Variants in CNMD observed in about 807,000 individuals in gnomAD.
CNMD encodes the protein chondromodulin.
CNMD carries 30 observed loss-of-function variants against 37.5 expected under a neutral mutation model. That is an observed-to-expected ratio of 0.80 (90% confidence interval 0.60 to 1.09). The LOEUF (loss-of-function observed/expected upper bound fraction) is 1.09. Among genes scored for constraint, CNMD ranks in the 50% least tolerant of loss-of-function variants. CNMD has a pLI of 0.00. For synonymous variants in CNMD, 167 were observed against 148.2 expected (o/e 1.13, Z -0.92); for missense variants, 398 against 423.9 (o/e 0.94, Z 0.54).
chr13:52,713,303 AG>A, intron 4 of CNMD, among the ~76,000 whole-genome samples: 1 of 152,246 alleles, frequency 6.6e-6, no homozygotes, highest in Non-Finnish European at 1.5e-5. Flanking sequence ...CAATGGAAAA[AG>A]CAAGTGATTG....
intron 6 of CNMD, among the ~76,000 whole-genome samples, chr13:52,706,079 G>A (rs1964169283): frequency 6.6e-6 from 1 of 152,180 alleles, no homozygotes; most frequent in African/African-American, 2.4e-5. Flanking sequence ...AATAGTGTTG[G>A]ACTGAATAGG....
chr13:52,723,894 C>A, intron 4 of CNMD, 103 bp downstream of exon 4: 1 of 747,096 alleles, frequency 1.3e-6, no homozygotes. Flanking sequence ...GACTCTGTCT[C>A]AATAAAAATA....
chr13:52,707,903 T>G (rs1289937679), intron 6 of CNMD, among the ~76,000 whole-genome samples: 1 of 150,508 alleles, frequency 6.6e-6, no homozygotes, highest in Non-Finnish European at 1.5e-5. Flanking sequence ...AGGCCAGGAG[T>G]TCGAGAACAG....
chr13:52,728,487 A>G (rs1244675567), intron 3 of CNMD, among the ~76,000 whole-genome samples: 1 of 152,152 alleles, frequency 6.6e-6, no homozygotes, highest in Non-Finnish European at 1.5e-5. Flanking sequence ...CTGCATTTCT[A>G]ACAAGCCAAG....
At chr13:52,728,255 G>A (rs568890978) in intron 3 of CNMD, among the ~76,000 whole-genome samples, 6 of 151,974 alleles carry the variant, frequency 3.9e-5, no homozygotes, top group South Asian at 2.1e-4. Context: ...GCGTGGTGGC[G>A]TGCACCTGTA....
chr13:52,739,527 C>T lies in CNMD; in HGVS notation c.72+103G>A. Reference sequence around the variant, plus strand: ...CATTTGGGACCCAAATTTATCCCCCCGCCAACACACCCATTCGGTGGCACG... The same window carrying T: ...CATTTGGGACCCAAATTTATCCCCCTGCCAACACACCCATTCGGTGGCACG... On this transcript the variant is annotated intron_variant, in intron 1 of 6. Coordinates refer to ENST00000377962, the MANE Select transcript of CNMD (RefSeq NM_007015.3). This position sits in a 1 kb window ranked among gnomAD's most constrained non-coding sequence, Gnocchi z 5.4. 1 of 1,072,226 alleles carries T rather than the reference C, an allele frequency of 9.3e-7. No homozygotes were observed. The highest frequency in any genetic ancestry group is 1.4e-6 in the Non-Finnish European group (1 of 699,954). The allele number at this position is 1,072,226 out of a possible 1,614,324, so 66.4% of individuals were successfully genotyped here. A position where few individuals can be genotyped will look rare whatever the true frequency, so the allele number is the denominator to read the frequency against.
At chr13:52,719,429 C>T (rs762307865) in intron 4 of CNMD, among the ~76,000 whole-genome samples, 39 of 152,192 alleles carry the variant, frequency 2.6e-4, no homozygotes, top group Non-Finnish European at 5.0e-4. Flanking sequence ...TGTTGATGGT[C>T]TTTACAATTT....
intron 4 of CNMD, among the ~76,000 whole-genome samples, chr13:52,717,907 A>G (rs1964416688): frequency 6.6e-6 from 1 of 152,224 alleles, no homozygotes; most frequent in Non-Finnish European, 1.5e-5. Context: ...GAATAGTTAC[A>G]GAAAGAATGG....
intron 5 of CNMD, among the ~76,000 whole-genome samples, chr13:52,711,433 A>C (rs1181120085): frequency 6.6e-6 from 1 of 152,194 alleles, no homozygotes; most frequent in Non-Finnish European, 1.5e-5. Flanking sequence ...CCCATTTGGC[A>C]GCCCCTCTCC....
chr13:52,726,414 C>T (rs1034252429), intron 3 of CNMD, among the ~76,000 whole-genome samples: 1 of 152,032 alleles, frequency 6.6e-6, no homozygotes, highest in Non-Finnish European at 1.5e-5. Flanking sequence ...TCAAAAATCC[C>T]CTGGGTCCCC....
At chr13:52,729,856 T>C (rs1964633701) in intron 3 of CNMD, among the ~76,000 whole-genome samples, 2 of 152,146 alleles carry the variant, frequency 1.3e-5, no homozygotes, top group African/African-American at 2.4e-5. Flanking sequence ...TACTTTAAGT[T>C]TTTGGGTACA....
intron 4 of CNMD, among the ~76,000 whole-genome samples, chr13:52,715,941 T>C (rs543453865): frequency 2.0e-5 from 3 of 152,216 alleles, no homozygotes; most frequent in African/African-American, 7.2e-5. Context: ...TATTCCACAA[T>C]GGTTAAACTG....
chr13:52,724,753 C>T (rs556423834), intron 3 of CNMD, among the ~76,000 whole-genome samples: 12 of 151,936 alleles, frequency 7.9e-5, no homozygotes, highest in African/African-American at 1.7e-4. Context: ...AAAAATTAGC[C>T]GGGTGTGGTA....
intron 4 of CNMD, among the ~76,000 whole-genome samples, chr13:52,714,249 C>T (rs1377783977): frequency 6.6e-6 from 1 of 152,110 alleles, no homozygotes; most frequent in African/African-American, 2.4e-5. Context: ...TTTAAAAAAT[C>T]ACAGAAATGC....
rs780509320 is a variant in CNMD at position 52,708,662 on chromosome 13, A to T, written c.663T>A (p.Val221=). 3.7e-6 allele frequency: 6 copies of T among 1,611,520 alleles called. No individual in the cohort carries two copies. The Admixed American group carries it at 1.0e-4, about 27-fold the overall frequency. The change falls in exon 6 of 7, where the codon GTT becomes GTA. Residue 221 remains valine, a synonymous_variant. Transcript: ENST00000377962. The part of the protein sequence containing the change: ...RERREVVRKI[V]PTTTKRPHSG... ...TGTGTGGTCTTTTTGTGGTAGTTGG[A>T]ACAATTTTTCTTACCACTTCTCTTC... is the stretch of plus-strand genomic sequence containing the variant.
chr13:52,706,139 CT>C (rs986201648), intron 6 of CNMD, among the ~76,000 whole-genome samples: 4 of 152,150 alleles, frequency 2.6e-5, no homozygotes, highest in African/African-American at 9.7e-5. Context: ...GATGCTCACC[CT>C]TACACATAAT....
At chr13:52,728,327 A>C (rs1222542477) in intron 3 of CNMD, among the ~76,000 whole-genome samples, 2 of 151,938 alleles carry the variant, frequency 1.3e-5, no homozygotes, top group Non-Finnish European at 2.9e-5. Flanking sequence ...GCAGTGAGCC[A>C]AGATTGCACC....
Position 52,703,659 on chromosome 13 carries a change from C to T in CNMD, c.941G>A (p.Arg314His), listed in dbSNP as rs1218414873. The T allele has an allele frequency of 1.5e-5, 25 of 1,614,020 alleles. No homozygotes were observed. Among genetic ancestry groups the T allele is most frequent in the African/African-American group, 4.0e-5 (3 of 74,940 alleles). ...TGGCATGATGACTCTGCAGGCCGAA[C>T]GGCAGCCTTGATAATTATAAGGCCA... ...YPWPYNYQGC[R>H]SACRVIMPCS... is the part of the protein sequence containing the mutation. Residue 314 changes from arginine to histidine, a missense_variant, in exon 7 of 7, where the codon CGT becomes CAT. Arg to His is a conservative substitution (Grantham distance 29). Transcript: ENST00000377962.
At chr13:52,735,688 A>G (rs2138279978) in intron 2 of CNMD, among the ~76,000 whole-genome samples, 1 of 152,266 alleles carries the variant, frequency 6.6e-6, no homozygotes, top group African/African-American at 2.4e-5. Context: ...AATCTAAAAA[A>G]AAAAAAAAAT....
Sources: allele counts gnomAD v4.1 joint callset (sites outside exome capture counted in the v4.1 genomes callset), GRCh38; gene constraint gnomAD v4.1.1; non-coding constraint Gnocchi (gnomAD v3.1); transcripts MANE v1.5; gene names NCBI Gene and HGNC (gene_info 2026-07-23, HGNC 2026-07-21).